DNAH6: variants seen among roughly 807,000 people sequenced by gnomAD.
The protein encoded by DNAH6 is axonemal beta dynein heavy chain 6.
In DNAH6, 340 loss-of-function variants were observed where a neutral mutation model predicts 491.4. That is an observed-to-expected ratio of 0.69 (90% confidence interval 0.63 to 0.76). The LOEUF (loss-of-function observed/expected upper bound fraction) is 0.76. DNAH6 is among the 30% of genes least tolerant of loss of function. DNAH6 has a pLI of 0.00. For missense variants in DNAH6, 4,443 were observed against 4,972.2 expected (o/e 0.89, Z 3.20); for synonymous variants, 1,603 against 1,686.1 (o/e 0.95, Z 1.21).
intron 37 of DNAH6, among the ~76,000 whole-genome samples, chr2:84,668,722 C>T (rs1692416982): frequency 1.3e-5 from 2 of 152,090 alleles, no homozygotes; most frequent in South Asian, 4.1e-4. Flanking sequence ...TTCTTCAAGT[C>T]TGAGTTTTAG....
chr2:84,696,523 G>A (rs968716150), intron 46 of DNAH6, among the ~76,000 whole-genome samples: 1 of 151,610 alleles, frequency 6.6e-6, no homozygotes, highest in Non-Finnish European at 1.5e-5. Context: ...ACTTTAGGAG[G>A]GAACAAATGT....
intron 11 of DNAH6, among the ~76,000 whole-genome samples, chr2:84,572,150 G>A (rs546412330): frequency 6.6e-6 from 1 of 152,246 alleles, no homozygotes; most frequent in East Asian, 1.9e-4. Context: ...ATGTCCTTGT[G>A]TTTAGTAAGT....
intron 15 of DNAH6, 73 bp downstream of exon 15, chr2:84,584,323 A>C: frequency 1.4e-6 from 2 of 1,402,052 alleles, no homozygotes; most frequent in Non-Finnish European, 1.9e-6. Context: ...TTAAAGTATA[A>C]TCAACAGATA....
intron 75 of DNAH6, among the ~76,000 whole-genome samples, chr2:84,815,376 GAA>G (rs568105223): frequency 8.7e-5 from 11 of 126,290 alleles, no homozygotes; most frequent in Non-Finnish European, 1.0e-4. Flanking sequence ...CCCACAATTG[GAA>G]AAAAAAAAAA....
chr2:84,466,910 T>C, the DNAH6 span, among the ~76,000 whole-genome samples: 3 of 152,262 alleles, frequency 2.0e-5, no homozygotes, highest in Non-Finnish European at 4.4e-5. Flanking sequence ...ACTGATAATG[T>C]ACACTAAGTC....
At chr2:84,704,354 C>G in intron 51 of DNAH6, 52 bp downstream of exon 51, 1 of 1,309,934 alleles carries the variant, frequency 7.6e-7, no homozygotes, top group Non-Finnish European at 1.1e-6. Flanking sequence ...GAGTTCTTTA[C>G]TGTTTTCCTC....
the DNAH6 span, among the ~76,000 whole-genome samples, chr2:84,510,670 T>C: frequency 6.6e-6 from 1 of 152,256 alleles, no homozygotes; most frequent in Non-Finnish European, 1.5e-5. Flanking sequence ...GAGTTTCCAG[T>C]TTTTCTGCTC....
chr2:84,541,708 CA>C (rs924407163), intron 4 of DNAH6, among the ~76,000 whole-genome samples: 4 of 152,242 alleles, frequency 2.6e-5, no homozygotes, highest in South Asian at 2.1e-4. Context: ...GAGAAACAAT[CA>C]GGGGGAAAAA....
intron 64 of DNAH6, among the ~76,000 whole-genome samples, chr2:84,770,631 C>T (rs896750243): frequency 1.3e-4 from 19 of 151,952 alleles, no homozygotes; most frequent in African/African-American, 3.4e-4. Context: ...GAAAATGTCA[C>T]GAACATGCAG....
At chr2:84,547,750 T>C (rs972586573) in intron 7 of DNAH6, 138 bp downstream of exon 7, 40 of 969,982 alleles carry the variant, frequency 4.1e-5, no homozygotes, top group Non-Finnish European at 5.8e-5. Context: ...ATATTATAAA[T>C]TTAATGTATT....
intron 56 of DNAH6, among the ~76,000 whole-genome samples, chr2:84,711,593 A>G (rs867271987): frequency 6.6e-6 from 1 of 152,196 alleles, no homozygotes; most frequent in South Asian, 2.1e-4. Flanking sequence ...TAACTCATTA[A>G]TCCTCACTGC....
chr2:84,721,267 T>C (rs987403084), intron 59 of DNAH6, among the ~76,000 whole-genome samples: 16 of 152,190 alleles, frequency 1.1e-4, no homozygotes, highest in African/African-American at 3.6e-4. Flanking sequence ...ACTTTTTTTT[T>C]CTACTTGGAT....
At chr2:84,792,969 C>T (rs1202174312) in intron 68 of DNAH6, among the ~76,000 whole-genome samples, 3 of 152,184 alleles carry the variant, frequency 2.0e-5, no homozygotes, top group East Asian at 1.9e-4. Context: ...GCAATACATA[C>T]ATCCAGGAGT....
chr2:84,727,526 C>A (rs1164796853), intron 60 of DNAH6, 143 bp from the exon 61 acceptor site: 2 of 612,290 alleles, frequency 3.3e-6, no homozygotes, highest in East Asian at 2.8e-5. Flanking sequence ...TTTCCAAGAA[C>A]CTATTGGGCA....
chr2:84,510,105 A>T, the DNAH6 span, among the ~76,000 whole-genome samples: 1 of 152,228 alleles, frequency 6.6e-6, no homozygotes, highest in East Asian at 1.9e-4. Context: ...GTATTTCCTG[A>T]ATTTGAATGT....
At chr2:84,676,959 A>G (rs1693286556) in intron 40 of DNAH6, 46 bp from the exon 41 acceptor site, 2 of 1,547,594 alleles carry the variant, frequency 1.3e-6, no homozygotes, top group Non-Finnish European at 1.7e-6. Context: ...GGCAGGTCTC[A>G]TTTCATTCTC....
intron 62 of DNAH6, among the ~76,000 whole-genome samples, chr2:84,744,816 T>C (rs1478010532): frequency 6.6e-6 from 1 of 152,210 alleles, no homozygotes; most frequent in Non-Finnish European, 1.5e-5. Context: ...CTTAAGTATC[T>C]CTATGCATCC....
At chr2:84,587,772 C>T (rs1185867065) in intron 15 of DNAH6, among the ~76,000 whole-genome samples, 1 of 152,122 alleles carries the variant, frequency 6.6e-6, no homozygotes, top group East Asian at 1.9e-4. Context: ...TACCTATTGC[C>T]CCATAAAGGG....
At chr2:84,791,757 G>T (rs551839488) in intron 68 of DNAH6, among the ~76,000 whole-genome samples, 22 of 151,458 alleles carry the variant, frequency 1.5e-4, no homozygotes, top group Non-Finnish European at 1.8e-4. Context: ...ATTGAAACTG[G>T]TTTTTTAAAA....
Sources: allele counts gnomAD v4.1 joint callset (sites outside exome capture counted in the v4.1 genomes callset), GRCh38; gene constraint gnomAD v4.1.1; transcripts MANE v1.5; gene names NCBI Gene and HGNC (gene_info 2026-07-23, HGNC 2026-07-21).